The following WWOX variants were observed in gnomAD, a reference collection of about 807,000 sequenced individuals.
The protein encoded by WWOX is WW domain containing oxidoreductase, also known as WW domain-containing oxidoreductase.
A neutral mutation model predicts 46.2 loss-of-function variants in WWOX; 69 were observed. The ratio of observed to expected loss-of-function variants is 1.49; its 90% CI spans 1.23 to 1.82. The LOEUF is 1.82. WWOX is among the 40% of genes most tolerant of loss of function. The probability of loss-of-function intolerance (pLI) is 0.00; values close to 1 mark genes in which losing one functional copy is unlikely to be tolerated. For synonymous variants in WWOX, 359 were observed against 202.6 expected, an observed-to-expected ratio of 1.77 and a Z score of -6.56; for missense variants, 919 against 542.6, an observed-to-expected ratio of 1.69 and a Z score of -6.89.
intron 6 of WWOX, among the ~76,000 whole-genome samples, chr16:78,398,956 G>C (rs2082350813): frequency 6.6e-6 from 1 of 152,176 alleles, no homozygotes; most frequent in Non-Finnish European, 1.5e-5. Context: ...TGGGTGGCTG[G>C]CTGGCTAGGT....
At chr16:78,674,829 ATTT>A (rs5818159) in intron 8 of WWOX, among the ~76,000 whole-genome samples, 2 of 148,030 alleles carry the variant, frequency 1.4e-5, no homozygotes, top group African/African-American at 5.0e-5. Context: ...TTCATTTTTC[ATTT>A]TTTTTTTTTC....
At chr16:78,288,153 T>C (rs1395047842) in intron 5 of WWOX, among the ~76,000 whole-genome samples, 1 of 152,136 alleles carries the variant, frequency 6.6e-6, no homozygotes, top group Admixed American at 6.6e-5. Context: ...ATAGACTAGG[T>C]TTTTAAATGA....
intron 8 of WWOX, among the ~76,000 whole-genome samples, chr16:78,501,519 C>G (rs944006131): frequency 4.0e-5 from 6 of 151,672 alleles, no homozygotes; most frequent in African/African-American, 1.2e-4. Flanking sequence ...ACGTTAGAAC[C>G]ACCTGAGAAG....
chr16:78,706,058 GT>G lies in WWOX; in HGVS notation c.1056+273327del, dbSNP rs3051058. On this transcript the variant is annotated intron_variant, in intron 8 of 8. Coordinates refer to ENST00000566780, the MANE Select transcript of WWOX (RefSeq NM_016373.4). Reference sequence around the variant, plus strand: ...TTGTCTCCAGTCAGAGTTATGGCAGGTTTTTTTTTTTTTTTTTTTTTGACTA... The same window carrying G: ...TTGTCTCCAGTCAGAGTTATGGCAGGTTTTTTTTTTTTTTTTTTTTGACTA... Among the ~76,000 whole-genome samples the G allele has an allele frequency of 3.4e-4, 36 of 106,424 alleles. No individual in the cohort carries two copies. In the East Asian group the frequency reaches 4.9e-3, roughly 14 times the overall value. The allele number at this position is 106,424 out of a possible 152,430, so 69.8% of individuals were successfully genotyped here.
intron 8 of WWOX, among the ~76,000 whole-genome samples, chr16:78,656,439 C>T (rs559496343): frequency 6.9e-4 from 105 of 152,250 alleles, no homozygotes; most frequent in African/African-American, 2.5e-3. Context: ...ACAGGAAGCC[C>T]AGTTAGGGAG....
intron 8 of WWOX, among the ~76,000 whole-genome samples, chr16:78,767,032 C>T (rs755712297): frequency 3.8e-4 from 58 of 152,128 alleles, no homozygotes; most frequent in Non-Finnish European, 6.6e-4. Flanking sequence ...TAGCATATAT[C>T]AAAATTTCTT....
chr16:79,151,581 C>T (rs1253029002), intron 8 of WWOX, among the ~76,000 whole-genome samples: 3 of 152,234 alleles, frequency 2.0e-5, no homozygotes, highest in African/African-American at 7.2e-5. Flanking sequence ...AGAGCTGAGA[C>T]CTCACCCTCT....
intron 5 of WWOX, among the ~76,000 whole-genome samples, chr16:78,195,547 A>G (rs2036021163): frequency 6.6e-6 from 1 of 152,046 alleles, no homozygotes; most frequent in African/African-American, 2.4e-5. Flanking sequence ...AAGAAAAAAA[A>G]AGAGCGGCTC....
At chr16:78,370,978 TTC>T in intron 5 of WWOX, among the ~76,000 whole-genome samples, 1 of 51,470 alleles carries the variant, frequency 1.9e-5, no homozygotes, top group Admixed American at 1.8e-4. Flanking sequence ...GTGTTGTGAT[TTC>T]TTTTTTTTTT....
At chr16:78,626,656 T>A (rs1331102117) in intron 8 of WWOX, among the ~76,000 whole-genome samples, 1 of 152,186 alleles carries the variant, frequency 6.6e-6, no homozygotes, top group East Asian at 1.9e-4. Flanking sequence ...TCCACACTGC[T>A]GCCTTTGGAG....
At chr16:78,222,567 C>T (rs1484478870) in intron 5 of WWOX, among the ~76,000 whole-genome samples, 4 of 152,258 alleles carry the variant, frequency 2.6e-5, no homozygotes, top group South Asian at 4.1e-4. Flanking sequence ...TTAGGCACAG[C>T]GCTAGTGTCA....
At chr16:78,561,824 C>G (rs1042938831) in intron 8 of WWOX, among the ~76,000 whole-genome samples, 3 of 152,114 alleles carry the variant, frequency 2.0e-5, no homozygotes, top group Non-Finnish European at 2.9e-5. Flanking sequence ...TTCTATGGCT[C>G]AGGATCTTCA....
chr16:78,352,061 T>G (rs548925954), intron 5 of WWOX, among the ~76,000 whole-genome samples: 1 of 151,898 alleles, frequency 6.6e-6, no homozygotes, highest in South Asian at 2.1e-4. Flanking sequence ...CAGTAGAGAG[T>G]GGTGGAGATG....
intron 8 of WWOX, among the ~76,000 whole-genome samples, chr16:79,035,282 C>T (rs559281061): frequency 6.6e-6 from 1 of 152,240 alleles, no homozygotes; most frequent in South Asian, 2.1e-4. Context: ...TCCTGGAAAC[C>T]CAGTCCATCT....
At chr16:78,252,128 C>G (rs7199708) in intron 5 of WWOX, among the ~76,000 whole-genome samples, 1 of 152,096 alleles carries the variant, frequency 6.6e-6, no homozygotes, top group Admixed American at 6.6e-5. Flanking sequence ...CAGAGGTGCC[C>G]TTTGGGGAAA....
At chr16:79,114,187 G>A (rs1001621858) in intron 8 of WWOX, among the ~76,000 whole-genome samples, 2 of 152,046 alleles carry the variant, frequency 1.3e-5, no homozygotes, top group African/African-American at 2.4e-5. Context: ...GGGTTGAATT[G>A]CATCCCCCCA....
intron 8 of WWOX, among the ~76,000 whole-genome samples, chr16:78,666,154 G>C (rs1306081014): frequency 2.0e-5 from 3 of 152,052 alleles, no homozygotes; most frequent in Admixed American, 1.3e-4. Context: ...GAGTGTGGTG[G>C]TGTGCCACAG....
rs113053685 is a variant in WWOX, at chr16:78,376,206, C to T, written c.517-10654C>T. 2.6e-3 allele frequency among the ~76,000 whole-genome samples: 403 copies of T among 152,240 alleles called. 3 individuals carry two copies. The highest frequency in any genetic ancestry group is 9.5e-3 in the African/African-American group (393 of 41,524). ...CAGTAACTTCAAGGAAGAGATTGTT[C>T]TGTAATTTCTGTTTTTACTGATAAG... is the stretch of plus-strand genomic sequence containing the variant. On this transcript the variant is annotated intron_variant, in intron 5 of 8. Coordinates refer to ENST00000566780, the MANE Select transcript of WWOX (RefSeq NM_016373.4).
chr16:78,934,337 CAAA>C (rs747448353), intron 8 of WWOX, among the ~76,000 whole-genome samples: 7 of 78,314 alleles, frequency 8.9e-5, no homozygotes, highest in Non-Finnish European at 1.4e-4. Context: ...GTCTCCGTCT[CAAA>C]AAAAAAAAAA....
Sources: gnomAD v4.1 joint callset for allele counts (sites outside exome capture counted in the v4.1 genomes callset) on GRCh38, gnomAD v4.1.1 for gene constraint, MANE v1.5 for transcripts, NCBI Gene and HGNC (gene_info 2026-07-23, HGNC 2026-07-21) for gene names.